The following ATG9B variants were observed in gnomAD, a reference collection of about 807,000 sequenced individuals.
The protein encoded by ATG9B is autophagy-related protein 9B.
A neutral mutation model predicts 92.9 loss-of-function variants in ATG9B; 92 were observed. The observed-to-expected ratio is 0.99, with a 90% CI of 0.84 to 1.18. The LOEUF is 1.18. Among genes scored for constraint, ATG9B ranks in the 50% most tolerant of loss-of-function variants. The pLI is 0.00. For missense variants in ATG9B, 1,344 were observed against 1,235.0 expected (o/e 1.09, Z -1.32); for synonymous variants, 599 against 551.4 (o/e 1.09, Z -1.21).
Position 151,018,753 on chromosome 7 carries a change from G to A in ATG9B, c.1585C>T (p.Arg529Cys), listed in dbSNP as rs1344137134. 1.9e-6 allele frequency: 3 copies of A among 1,540,596 alleles called. No individual in the cohort carries two copies. Among genetic ancestry groups the A allele is most frequent in the East Asian group, 5.2e-5 (2 of 38,280 alleles). The change falls in exon 6 of 14, where the codon CGC (arginine) becomes TGC (cysteine). Residue 529 changes from arginine to cysteine, a missense_variant. Transcript: ENST00000639579. This position sits in a 1 kb window ranked among gnomAD's most constrained non-coding sequence, Gnocchi z 4.7. ...PPAPLRTLLA[R>C]QLVFFAGALF... ...GCACCCGCGAAGAAAACGAGCTGGC[G>A]GGCCAGCAGCGTGCGCAGGGGCGCG...
intron 9 of ATG9B, 89 bp downstream of exon 9, chr7:151,016,947 G>A (rs961952812): frequency 6.4e-5 from 96 of 1,500,660 alleles, no homozygotes; most frequent in South Asian, 2.5e-4. Context: ...GGTGAGGCAG[G>A]TTACTACCTA....
Position 151,018,647 on chromosome 7 carries a change from G to A in ATG9B, c.1691C>T (p.Ala564Val). 3 of 1,606,898 alleles carry A rather than the reference G, an allele frequency of 1.9e-6. No individual in the cohort carries two copies. The highest frequency in any genetic ancestry group is 1.7e-6 in the Non-Finnish European group (2 of 1,178,902). ...GGCGACGGTGGCGGTGACCCCGAGC[G>A]CGGTCATGGCGGTGAGCACGTGCTC... Reference protein sequence around the residue: ...AVEHVLTAMTALGVTATVARS... With the variant: ...AVEHVLTAMTVLGVTATVARS... Residue 564 changes from alanine to valine, a missense_variant, in exon 6 of 14, where the codon GCG becomes GTG. Ala to Val is a moderately conservative substitution (Grantham distance 64). Coordinates refer to ENST00000639579, the MANE Select transcript of ATG9B (RefSeq NM_001317056.2). The surrounding 1 kb of genome is among the most constrained non-coding windows in gnomAD (Gnocchi z 4.7).
intron 10 of ATG9B, 41 bp from the exon 11 acceptor site, chr7:151,016,568 T>G (rs943552462): frequency 1.3e-6 from 2 of 1,533,608 alleles, no homozygotes; most frequent in South Asian, 1.2e-5. Flanking sequence ...CATGCCCTCC[T>G]CCCGCCACAC....
In ATG9B at chr7:151,017,201, C is replaced by T; in HGVS notation, c.2124G>A (p.Leu708=). ...RAEDGKTELS[L]MRFSLAHPLW... is the part of the protein sequence containing the mutation. The stretch of plus-strand genomic sequence containing the variant: ...GTGGATGCGCCAGGGAGAACCGCAT[C>T]AAAGAAAGCTCAGTCTTGCCGTCCT... The change falls in exon 9 of 14, where the codon TTG becomes TTA. Residue 708 remains leucine (L), a synonymous_variant. Transcript: ENST00000639579. The T allele has an allele frequency of 1.2e-6, 2 of 1,612,912 alleles. No homozygotes were observed. Among genetic ancestry groups the T allele is most frequent in the South Asian group, 1.1e-5 (1 of 91,020 alleles).
At chr7:151,013,520 C>G, downstream of ATG9B, 1 of 1,210,850 alleles carries the variant, frequency 8.3e-7, no homozygotes, top group Non-Finnish European at 1.1e-6. Flanking sequence ...TCTGGCCCAC[C>G]CTTGTGCCCC....
At position 151,023,111 on chromosome 7, in the gene ATG9B, G is replaced by A. The variant is rs920766622; in HGVS notation, c.755C>T (p.Pro252Leu). The A allele has an allele frequency of 6.2e-7, 1 of 1,614,138 alleles. No individual in the cohort carries two copies. The highest frequency in any genetic ancestry group is 8.5e-7 in the Non-Finnish European group (1 of 1,180,016). Residue 252 changes from proline to leucine, a missense_variant, in exon 4 of 14, where the codon CCT becomes CTT. Transcript: ENST00000639579. ...GGTCACTTTGCTGTGGAACGGCCCA[G>A]GTCTGGTATGGTTACTTGGTTGGTT... The part of the protein sequence containing the change: ...FANQPSNHTR[P>L]GPFHSKVTLS...
Position 151,023,573 on chromosome 7 carries a change from A to G in ATG9B, c.595-64T>C. 3 of 1,610,744 alleles carry G rather than the reference A, an allele frequency of 1.9e-6. 1 individual carries two copies. The South Asian group carries it at 3.3e-5, about 18-fold the overall frequency. On this transcript the variant is annotated intron_variant, in intron 2 of 13. Transcript: ENST00000639579. Reference sequence around the variant, plus strand: ...GCCTCTCCTGAGGACACCTCCCCTCAGCCCCAACAAGTCTCCCACCCATGA... The same window carrying G: ...GCCTCTCCTGAGGACACCTCCCCTCGGCCCCAACAAGTCTCCCACCCATGA...
At position 151,023,839 on chromosome 7, in the gene ATG9B, C is replaced by A. The variant is rs74802287; in HGVS notation, c.550+35G>T. The A allele has an allele frequency of 1.1e-3, 1,724 of 1,609,888 alleles. 26 individuals carry two copies. In the East Asian group the frequency reaches 0.032, roughly 30 times the overall value. On this transcript the variant is annotated intron_variant, in intron 1 of 13. Coordinates refer to ENST00000639579, the MANE Select transcript of ATG9B (RefSeq NM_001317056.2). ...GATAAGTACTGGAGCTCCCAGGCACCACTAACCCTCTCCCACCCACACCCA... is the reference window on the plus strand; with the variant it reads ...GATAAGTACTGGAGCTCCCAGGCACAACTAACCCTCTCCCACCCACACCCA...
chr7:151,024,237 G>A lies in ATG9B; in HGVS notation c.187C>T (p.Pro63Ser), dbSNP rs565887047. 2.0e-6 allele frequency: 3 copies of A among 1,482,570 alleles called. No individual in the cohort carries two copies. The highest frequency in any genetic ancestry group is 2.9e-5 in the South Asian group (2 of 69,430). 91.8% of individuals were successfully genotyped at this position (1,482,570 alleles called of 1,614,324 possible). A position where few individuals can be genotyped will look rare whatever the true frequency, so the allele number is the denominator to read the frequency against. ...GCGGTGGGAGGGGAAAATGAGGAGGGGGAGCTTCTTGTATGAGGGGCAGGG... is the reference window on the plus strand; with the variant it reads ...GCGGTGGGAGGGGAAAATGAGGAGGAGGAGCTTCTTGTATGAGGGGCAGGG... ...LSPAPHTRSS[P>S]SSFSPPTAGP... Residue 63 changes from proline to serine, a missense_variant, in exon 1 of 14, where the codon CCC becomes TCC. Coordinates refer to ENST00000639579, the MANE Select transcript of ATG9B (RefSeq NM_001317056.2).
At chr7:151,016,891 A>T in intron 9 of ATG9B, 70 bp from the exon 10 acceptor site, 1 of 1,550,106 alleles carries the variant, frequency 6.5e-7, no homozygotes, top group Non-Finnish European at 8.7e-7. Flanking sequence ...GTAGGGAGGA[A>T]GCAGAGGCCT....
intron 5 of ATG9B, among the ~76,000 whole-genome samples, chr7:151,020,663 G>A (rs1242421426): frequency 1.3e-5 from 2 of 152,230 alleles, no homozygotes; most frequent in Non-Finnish European, 2.9e-5. Context: ...GAAACAAAGG[G>A]CAGAGCATAA....
chr7:151,014,497 T>C (rs985145510), downstream of ATG9B: 1 of 334,468 alleles, frequency 3.0e-6, no homozygotes, highest in African/African-American at 2.1e-5. Flanking sequence ...CTGTAAAGTC[T>C]AATCTCTAAA....
At chr7:151,013,667 G>C (rs1239356287), downstream of ATG9B, 2 of 1,432,896 alleles carry the variant, frequency 1.4e-6, no homozygotes, top group East Asian at 4.9e-5. Flanking sequence ...AGCAGCCCCG[G>C]GCTGCGCCCC....
chr7:151,014,462 C>T, downstream of ATG9B: 1 of 438,264 alleles, frequency 2.3e-6, no homozygotes. Flanking sequence ...TTAGATTCCT[C>T]TTGCCTCTCT....
In ATG9B at chr7:151,016,169, A is replaced by G. The variant is rs1341646777; in HGVS notation, c.2587T>C (p.Cys863Arg). The G allele has an allele frequency of 2.6e-6, 4 of 1,539,362 alleles. No homozygotes were observed. The highest frequency in any genetic ancestry group is 3.5e-6 in the Non-Finnish European group (4 of 1,140,108). Residue 863 changes from cysteine to arginine, a missense_variant, in exon 12 of 14, where the codon TGC becomes CGC. By Grantham distance (180) the Cys-to-Arg change is radical. Transcript: ENST00000639579. ...EAAASILSRP[C>R]SSPSQPPSPD... ...GAGGGTGGCTGTGAGGGGCTGGAGC[A>G]GGGCCTGGACAGGATGGAGGCTGCA...
rs1207010869 is a variant in ATG9B, at chr7:151,018,641, CCGAGCGCGGTCATGGCGGTGAGCA to C, written c.1673_1696del (p.Val558_Leu565del). 1 of 1,606,656 alleles carries C rather than the reference CCGAGCGCGGTCATGGCGGTGAGCA, an allele frequency of 6.2e-7. No individual in the cohort carries two copies. The highest frequency in any genetic ancestry group is 8.5e-7 in the Non-Finnish European group (1 of 1,178,914). The stretch of plus-strand genomic sequence containing the variant: ...GCACCTGGCGACGGTGGCGGTGACC[CCGAGCGCGGTCATGGCGGTGAGCA>C]CGTGCTCCACGGCTAGCACGTCCTC... On this transcript the variant is annotated inframe_deletion, in exon 6 of 14. Transcript: ENST00000639579. This position sits in a 1 kb window ranked among gnomAD's most constrained non-coding sequence, Gnocchi z 4.7.
At chr7:151,012,599 T>C, downstream of ATG9B, 1 of 1,207,238 alleles carries the variant, frequency 8.3e-7, no homozygotes, top group Non-Finnish European at 1.1e-6. Context: ...GAAAAGACGC[T>C]CATGAGACCA....
intron 4 of ATG9B, among the ~76,000 whole-genome samples, chr7:151,021,698 G>A (rs1382812985): frequency 6.7e-6 from 1 of 149,064 alleles, no homozygotes; most frequent in Non-Finnish European, 1.5e-5. Context: ...CGCCCAGGCT[G>A]GAGTGCAGTG....
chr7:151,016,607 C>G (rs1795498849), intron 10 of ATG9B, 80 bp from the exon 11 acceptor site: 1 of 1,545,030 alleles, frequency 6.5e-7, no homozygotes, highest in African/African-American at 1.4e-5. Flanking sequence ...TGAATCCCCC[C>G]TCAGCGCCCC....
Sources: gnomAD v4.1 joint callset for allele counts (sites outside exome capture counted in the v4.1 genomes callset) on GRCh38, gnomAD v4.1.1 for gene constraint, Gnocchi (gnomAD v3.1) non-coding constraint, MANE v1.5 for transcripts, NCBI Gene and HGNC (gene_info 2026-07-23, HGNC 2026-07-21) for gene names.